Variants in INTS12 observed in about 807,000 individuals in gnomAD.
INTS12 encodes integrator complex subunit 12.
In INTS12, 13 loss-of-function variants were observed where a neutral mutation model predicts 41.6. The observed-to-expected ratio is 0.31, with a 90% CI of 0.20 to 0.50. The LOEUF (loss-of-function observed/expected upper bound fraction) is 0.50, where lower values mean the gene tolerates loss of function less well. INTS12 is among the 20% of genes least tolerant of loss of function. The pLI is 0.98. For missense variants in INTS12, 432 were observed against 541.6 expected (o/e 0.80, Z 2.01); for synonymous variants, 199 against 191.4 (o/e 1.04, Z -0.33).
chr4:105,695,023 C>G (rs979989953), intron 4 of INTS12, among the ~76,000 whole-genome samples: 2 of 150,826 alleles, frequency 1.3e-5, no homozygotes, highest in Non-Finnish European at 3.0e-5. Flanking sequence ...CTCCTGGGCT[C>G]AAGCAATCCT....
chr4:105,694,947 C>A (rs1334594072), intron 4 of INTS12, among the ~76,000 whole-genome samples: 1 of 151,470 alleles, frequency 6.6e-6, no homozygotes, highest in Non-Finnish European at 1.5e-5. Flanking sequence ...TTTTTTGAGA[C>A]AGCGCCTCAC....
intron 6 of INTS12, 113 bp from the exon 7 acceptor site, chr4:105,686,951 A>T (rs2149177942): frequency 1.1e-6 from 1 of 870,134 alleles, no homozygotes; most frequent in South Asian, 1.5e-5. Flanking sequence ...ACATTTTAAA[A>T]AATAGTGTGA....
intron 7 of INTS12, among the ~76,000 whole-genome samples, chr4:105,686,479 G>A (rs1396570483): frequency 6.6e-6 from 1 of 152,056 alleles, no homozygotes; most frequent in Admixed American, 6.6e-5. Flanking sequence ...TAGACTGTTC[G>A]TATTTGTGAT....
At chr4:105,708,291 A>C in intron 1 of INTS12, 1 of 985,452 alleles carries the variant, frequency 1.0e-6, no homozygotes, top group Non-Finnish European at 1.2e-6. Flanking sequence ...AGAATGGGGG[A>C]TGGTCCTTGA....
intron 1 of INTS12, chr4:105,708,105 C>G (rs1560785778): frequency 1.0e-6 from 1 of 985,288 alleles, no homozygotes; most frequent in Admixed American, 6.1e-5. Context: ...AAGATGCTGC[C>G]TTTTTCATTC....
chr4:105,693,710 C>G (rs972507756), intron 4 of INTS12, among the ~76,000 whole-genome samples: 1 of 152,100 alleles, frequency 6.6e-6, no homozygotes, highest in Admixed American at 6.5e-5. Flanking sequence ...TAAATCAGAA[C>G]AGTTTAACAA....
chr4:105,699,835 TATTC>T lies in INTS12; in HGVS notation c.156+11_156+14del, dbSNP rs773441486. On this transcript the variant is annotated intron_variant, in intron 3 of 7. Coordinates refer to ENST00000340139, the MANE Select transcript of INTS12 (RefSeq NM_020395.4). ...CTTACAAAACTCTCTCCAAGCTTTTTATTCATTCAAGTACCTTTTGAGATGGACG... is the reference window on the plus strand; with the variant it reads ...CTTACAAAACTCTCTCCAAGCTTTTTATTCAAGTACCTTTTGAGATGGACG... The T allele has an allele frequency of 6.8e-7, 1 of 1,472,374 alleles. No individual in the cohort carries two copies. The highest frequency in any genetic ancestry group is 9.1e-7 in the Non-Finnish European group (1 of 1,095,598). The allele number at this position is 1,472,374 out of a possible 1,614,324, so 91.2% of individuals were successfully genotyped here.
intron 4 of INTS12, 25 bp downstream of exon 4, chr4:105,695,491 T>C (rs926096301): frequency 1.9e-6 from 3 of 1,565,202 alleles, no homozygotes; most frequent in African/African-American, 2.8e-5. Context: ...TACTTTCTTT[T>C]AACAAGATTA....
chr4:105,685,636 G>T (rs1578379200), intron 7 of INTS12, among the ~76,000 whole-genome samples: 1 of 151,646 alleles, frequency 6.6e-6, no homozygotes, highest in Non-Finnish European at 1.5e-5. Context: ...GTTTTCTCAG[G>T]TCAATCTTTG....
chr4:105,686,913 A>G (rs1271790327), intron 6 of INTS12, 75 bp from the exon 7 acceptor site: 1 of 1,271,552 alleles, frequency 7.9e-7, no homozygotes, highest in Non-Finnish European at 1.1e-6. Context: ...CCCTCACAGG[A>G]CTCATCACTG....
chr4:105,696,078 C>T (rs1361834733), intron 3 of INTS12, among the ~76,000 whole-genome samples: 5 of 152,012 alleles, frequency 3.3e-5, no homozygotes. Context: ...TCTCAAACTC[C>T]GGCCTCAAAT....
At position 105,686,830 on chromosome 4, in the gene INTS12, T is replaced by TA; in HGVS notation, c.665_666insT (p.Lys222AsnfsTer26). 6.2e-7 allele frequency: 1 copy of TA among 1,613,708 alleles called. No individual in the cohort carries two copies. The highest frequency in any genetic ancestry group is 8.5e-7 in the Non-Finnish European group (1 of 1,179,860). On this transcript the variant is annotated frameshift_variant, in exon 7 of 8. Coordinates refer to ENST00000340139, the MANE Select transcript of INTS12 (RefSeq NM_020395.4). LOFTEE classifies it high-confidence loss of function. ...CTGGTTTCTGCGGTGGTTTCTGAGTTTTTTGAGCCTGCAAAAATCAGTGGA... is the reference window on the plus strand; with the variant it reads ...CTGGTTTCTGCGGTGGTTTCTGAGTTATTTTGAGCCTGCAAAAATCAGTGGA...
chr4:105,706,254 CTTTTTTTTTTTT>C (rs757516945), intron 1 of INTS12: 4 of 125,404 alleles, frequency 3.2e-5, no homozygotes, highest in East Asian at 2.2e-4. Context: ...ACTTCAATCT[CTTTTTTTTTTTT>C]TTTTTTTTTG....
Position 105,695,678 on chromosome 4 carries a change from GA to G in INTS12, c.157-11del. 1.9e-6 allele frequency: 3 copies of G among 1,596,558 alleles called. No individual in the cohort carries two copies. The highest frequency in any genetic ancestry group is 1.1e-5 in the South Asian group (1 of 88,034). The stretch of plus-strand genomic sequence containing the variant: ...TGGGTGGCTCCACATCCTAAAAGAT[GA>G]AAAAAGGTACCAGTAATTAAATATT... On this transcript the variant is annotated splice_polypyrimidine_tract_variant and intron_variant, in intron 3 of 7. Coordinates refer to ENST00000340139, the MANE Select transcript of INTS12 (RefSeq NM_020395.4).
chr4:105,689,520 C>T (rs1731611834), intron 6 of INTS12, among the ~76,000 whole-genome samples: 1 of 152,130 alleles, frequency 6.6e-6, no homozygotes, highest in Non-Finnish European at 1.5e-5. Context: ...TTGGTGTATT[C>T]TAGTCATGTT....
chr4:105,703,032 A>G lies in INTS12; in HGVS notation c.-10+616T>C, dbSNP rs1370774550. 6 of 984,456 alleles carry G rather than the reference A, an allele frequency of 6.1e-6. No individual in the cohort carries two copies. The East Asian group carries it at 5.7e-4, about 93-fold the overall frequency. 61.0% of individuals were successfully genotyped at this position (984,456 alleles called of 1,614,324 possible). A position where few individuals can be genotyped will look rare whatever the true frequency, so the allele number is the denominator to read the frequency against. ...GGTGTAACTGTGTTGATCTACACAT[A>G]CAAAAATATTTTCCTGGAGTTACAC... On this transcript the variant is annotated intron_variant, in intron 2 of 7. Coordinates refer to ENST00000340139, the MANE Select transcript of INTS12 (RefSeq NM_020395.4).
chr4:105,689,348 C>T (rs1254187200), intron 6 of INTS12, among the ~76,000 whole-genome samples: 1 of 152,142 alleles, frequency 6.6e-6, no homozygotes, highest in Non-Finnish European at 1.5e-5. Flanking sequence ...GAACAATAAC[C>T]AATGCACATA....
At chr4:105,687,078 G>T (rs917313582) in intron 6 of INTS12, 1 of 467,908 alleles carries the variant, frequency 2.1e-6, no homozygotes, top group Non-Finnish European at 3.8e-6. Flanking sequence ...ACAGAAGAGG[G>T]TTAGTTAAAT....
intron 7 of INTS12, among the ~76,000 whole-genome samples, chr4:105,684,666 A>G (rs191252254): frequency 6.6e-6 from 1 of 152,266 alleles, no homozygotes; most frequent in Admixed American, 6.5e-5. Flanking sequence ...GAAGTTATCC[A>G]GAGAAGAAAA....
Sources: allele counts gnomAD v4.1 joint callset (sites outside exome capture counted in the v4.1 genomes callset), GRCh38; gene constraint gnomAD v4.1.1; transcripts MANE v1.5; gene names NCBI Gene and HGNC (gene_info 2026-07-23, HGNC 2026-07-21).